PARVA: variants seen among roughly 807,000 people sequenced by gnomAD.
PARVA encodes the protein parvin alpha, also known as alpha-parvin.
A neutral mutation model predicts 52.6 loss-of-function variants in PARVA; 25 were observed. That is an observed-to-expected ratio of 0.48 (90% CI 0.35 to 0.66). PARVA has a LOEUF of 0.66. Among genes scored for constraint, PARVA ranks in the 30% least tolerant of loss-of-function variants. The pLI, the probability that PARVA is intolerant of heterozygous loss-of-function variation, is 0.01. For missense variants in PARVA, 373 were observed against 450.9 expected, an observed-to-expected ratio of 0.83 and a Z score of 1.56; for synonymous variants, 185 against 179.1, an observed-to-expected ratio of 1.03 and a Z score of -0.26.
chr11:12,423,617 T>G (rs1393844841), intron 1 of PARVA, among the ~76,000 whole-genome samples: 1 of 152,214 alleles, frequency 6.6e-6, no homozygotes, highest in Non-Finnish European at 1.5e-5. Context: ...ATTAGTTCAT[T>G]AACCAATTTA....
At chr11:12,426,708 G>T (rs1359490410) in intron 1 of PARVA, among the ~76,000 whole-genome samples, 1 of 152,110 alleles carries the variant, frequency 6.6e-6, no homozygotes, top group Non-Finnish European at 1.5e-5. Flanking sequence ...AAGGGGCCAG[G>T]GTATCACCAG....
intron 1 of PARVA, among the ~76,000 whole-genome samples, chr11:12,469,037 G>C (rs527352737): frequency 2.4e-4 from 36 of 152,268 alleles, no homozygotes; most frequent in South Asian, 8.3e-4. Flanking sequence ...GGTGTATACT[G>C]GAACAAAATG....
intron 5 of PARVA, 58 bp downstream of exon 5, chr11:12,496,656 G>C (rs1941302877): frequency 1.9e-6 from 3 of 1,545,856 alleles, no homozygotes; most frequent in South Asian, 2.5e-5. Context: ...CCTGCCATGG[G>C]GCTTCCCCAA....
chr11:12,513,396 C>A, intron 9 of PARVA, 36 bp downstream of exon 9: 1 of 1,566,800 alleles, frequency 6.4e-7, no homozygotes, highest in Non-Finnish European at 8.8e-7. Flanking sequence ...CAGAGGGAAG[C>A]GAGATGCAAC....
intron 4 of PARVA, among the ~76,000 whole-genome samples, chr11:12,489,636 T>A (rs904383638): frequency 9.5e-4 from 144 of 152,302 alleles, no homozygotes; most frequent in African/African-American, 3.4e-3. Context: ...TTCAGGGAGC[T>A]CAGTGAATCC....
At chr11:12,395,105 A>AAAAAAAGAAAG (rs1555030349) in intron 1 of PARVA, among the ~76,000 whole-genome samples, 1 of 148,912 alleles carries the variant, frequency 6.7e-6, no homozygotes. Context: ...AAAAAAAAAA[A>AAAAAAAGAAAG]AAAGAAAGAA....
At chr11:12,434,149 C>T (rs1940355204) in intron 1 of PARVA, among the ~76,000 whole-genome samples, 2 of 152,174 alleles carry the variant, frequency 1.3e-5, no homozygotes, top group Admixed American at 6.5e-5. Context: ...TCTGATTTTC[C>T]AAGTGCCCTC....
intron 4 of PARVA, among the ~76,000 whole-genome samples, chr11:12,487,864 G>GT (rs1941181559): frequency 6.6e-6 from 1 of 152,100 alleles, no homozygotes. Context: ...AATATTTCTC[G>GT]TAATAGTCAT....
chr11:12,504,403 G>A lies in PARVA; in HGVS notation c.631G>A (p.Val211Ile), dbSNP rs756821180. The change falls in exon 6 of 13, where the codon GTT becomes ATT. Residue 211 changes from valine (V) to isoleucine (I), a missense_variant. Coordinates refer to ENST00000334956, the MANE Select transcript of PARVA (RefSeq NM_018222.5). Reference protein sequence around the residue: ...FRAPIRLPDHVSIQVVVVQKR... With the variant: ...FRAPIRLPDHISIQVVVVQKR... ...CGCACCAATTCGACTCCCAGACCAT[G>A]TTTCCATCCAAGTGGTTGTGGTCCA... is the stretch of plus-strand genomic sequence containing the variant. The A allele has an allele frequency of 1.9e-6, 3 of 1,613,116 alleles. No homozygotes were observed. Among genetic ancestry groups the A allele is most frequent in the Non-Finnish European group, 2.5e-6 (3 of 1,179,268 alleles).
At chr11:12,398,770 A>G (rs1338324982) in intron 1 of PARVA, among the ~76,000 whole-genome samples, 1 of 152,058 alleles carries the variant, frequency 6.6e-6, no homozygotes, top group Admixed American at 6.5e-5. Context: ...AGGCTCATAT[A>G]AAGCACTTAA....
chr11:12,513,929 C>A (rs974505487), intron 9 of PARVA, 68 bp from the exon 10 acceptor site: 1 of 1,413,588 alleles, frequency 7.1e-7, no homozygotes, highest in Non-Finnish European at 9.8e-7. Context: ...ACGGGAGTCA[C>A]GGAGCAGCCA....
At chr11:12,445,839 G>T (rs951081851) in intron 1 of PARVA, among the ~76,000 whole-genome samples, 3 of 152,112 alleles carry the variant, frequency 2.0e-5, no homozygotes, top group Non-Finnish European at 4.4e-5. Flanking sequence ...GAGAACACTG[G>T]CATTTGTCAG....
chr11:12,482,834 G>A (rs1941106610), intron 4 of PARVA, among the ~76,000 whole-genome samples: 1 of 152,170 alleles, frequency 6.6e-6, no homozygotes, highest in Non-Finnish European at 1.5e-5. Flanking sequence ...ATGTCCACCT[G>A]GCCCCACCCT....
At chr11:12,505,436 C>T (rs1369754582) in intron 6 of PARVA, among the ~76,000 whole-genome samples, 1 of 152,194 alleles carries the variant, frequency 6.6e-6, no homozygotes, top group African/African-American at 2.4e-5. Flanking sequence ...AGGAAATGGT[C>T]CTCCTAATCA....
chr11:12,429,637 C>G (rs1045491976), intron 1 of PARVA, among the ~76,000 whole-genome samples: 7 of 152,210 alleles, frequency 4.6e-5, no homozygotes, highest in Non-Finnish European at 7.3e-5. Context: ...CATCAGTCCA[C>G]TAACCTTTTC....
chr11:12,437,912 G>A (rs569656794), intron 1 of PARVA, among the ~76,000 whole-genome samples: 2 of 152,290 alleles, frequency 1.3e-5, no homozygotes, highest in East Asian at 1.9e-4. Flanking sequence ...ATCATCAGAT[G>A]TACTTCCAAC....
rs1005561935 is a variant in PARVA at position 12,534,099 on chromosome 11, C to A, written c.*6174C>A. On this transcript the variant is annotated 3_prime_UTR_variant, in exon 13 of 13. Transcript: ENST00000334956. ...AGAAGTATTGCTTGAACCCAGGAGG[C>A]AGAGGTTGCAATGAGCTGAGATCGC... 6.6e-6 allele frequency among the ~76,000 whole-genome samples: 1 copy of A among 152,070 alleles called. No individual in the cohort carries two copies. Among genetic ancestry groups the A allele is most frequent in the Non-Finnish European group, 1.5e-5 (1 of 68,010 alleles).
At chr11:12,488,295 A>G (rs190607144) in intron 4 of PARVA, among the ~76,000 whole-genome samples, 3 of 152,340 alleles carry the variant, frequency 2.0e-5, no homozygotes, top group African/African-American at 7.2e-5. Flanking sequence ...CTAGATGTTC[A>G]GATAAATCTT....
intron 7 of PARVA, among the ~76,000 whole-genome samples, chr11:12,509,981 G>T (rs1941486064): frequency 6.6e-6 from 1 of 152,312 alleles, no homozygotes; most frequent in African/African-American, 2.4e-5. Flanking sequence ...AAACCAGGGA[G>T]TGTGAAGTTT....
Sources: gnomAD v4.1 joint callset for allele counts (sites outside exome capture counted in the v4.1 genomes callset) on GRCh38, gnomAD v4.1.1 for gene constraint, MANE v1.5 for transcripts, NCBI Gene and HGNC (gene_info 2026-07-23, HGNC 2026-07-21) for gene names.